The following AMOTL1 variants were observed in gnomAD, a reference collection of about 807,000 sequenced individuals.
AMOTL1 encodes angiomotin like 1.
A neutral mutation model predicts 102.9 loss-of-function variants in AMOTL1; 45 were observed. The observed-to-expected ratio is 0.44, with a 90% confidence interval of 0.34 to 0.56. The LOEUF is 0.56. Ranked by LOEUF, AMOTL1 falls within the 20% of genes least tolerant of loss-of-function variation. The pLI is 0.01. For synonymous variants in AMOTL1, 481 were observed against 484.7 expected (o/e 0.99, Z 0.10); for missense variants, 1,114 against 1,225.6 (o/e 0.91, Z 1.36).
At chr11:94,779,726 A>G (rs1462205398) in intron 1 of AMOTL1, among the ~76,000 whole-genome samples, 1 of 152,202 alleles carries the variant, frequency 6.6e-6, no homozygotes. Flanking sequence ...ACATTGATTT[A>G]GACATTTTTT....
intron 3 of AMOTL1, among the ~76,000 whole-genome samples, chr11:94,762,627 C>T (rs1005710037): frequency 9.2e-5 from 14 of 152,160 alleles, no homozygotes; most frequent in Admixed American, 2.6e-4. Context: ...TGTCATGTAT[C>T]GAATATCTAC....
intron 1 of AMOTL1, among the ~76,000 whole-genome samples, chr11:94,718,592 C>A (rs1389603470): frequency 6.6e-6 from 1 of 151,712 alleles, no homozygotes; most frequent in African/African-American, 2.4e-5. Context: ...TGATATTAAT[C>A]TTTTAAAACA....
intron 1 of AMOTL1, among the ~76,000 whole-genome samples, chr11:94,793,075 T>TAC (rs998582948): frequency 1.3e-4 from 20 of 152,232 alleles, no homozygotes; most frequent in Admixed American, 7.2e-4. Flanking sequence ...CATATATATA[T>TAC]ACACACACAC....
chr11:94,726,922 G>A (rs555160577), intron 1 of AMOTL1, among the ~76,000 whole-genome samples: 2 of 152,274 alleles, frequency 1.3e-5, no homozygotes, highest in South Asian at 4.1e-4. Flanking sequence ...AAGCTGAAGT[G>A]AAATTCAAGC....
At position 94,814,784 on chromosome 11, in the gene AMOTL1, G is replaced by A. The variant is rs142698033; in HGVS notation, c.1122-6746G>A. Among the ~76,000 whole-genome samples, 9 of 152,322 alleles carry A rather than the reference G, an allele frequency of 5.9e-5. No individual in the cohort carries two copies. In the East Asian group the frequency reaches 1.7e-3, roughly 29 times the overall value. On this transcript the variant is annotated intron_variant, in intron 3 of 12. Coordinates refer to ENST00000433060, the MANE Select transcript of AMOTL1 (RefSeq NM_130847.3). The stretch of plus-strand genomic sequence containing the variant: ...ATTAGATTGTGAAATCAGAGAGGAA[G>A]CTTACTAGACATCCTGTATCTCCGT...
Position 94,859,513 on chromosome 11 carries a change from C to T in AMOTL1, c.1945-12C>T, listed in dbSNP as rs1372816743. ...GGTTTTGAGCATCAAGATTTTTTTT[C>T]TACTCCTTCAGAAACATGGAAATGG... is the stretch of plus-strand genomic sequence containing the variant. On this transcript the variant is annotated splice_polypyrimidine_tract_variant and intron_variant, in intron 8 of 12. Transcript: ENST00000433060. 1 of 1,600,260 alleles carries T rather than the reference C, an allele frequency of 6.2e-7. No individual in the cohort carries two copies. The highest frequency in any genetic ancestry group is 1.7e-5 in the Admixed American group (1 of 57,858).
At chr11:94,738,997 A>G (rs1815346724) in intron 2 of AMOTL1, among the ~76,000 whole-genome samples, 1 of 152,204 alleles carries the variant, frequency 6.6e-6, no homozygotes, top group African/African-American at 2.4e-5. Context: ...TAGATGGAGA[A>G]AAATAAGAAT....
rs114869598 is a variant in AMOTL1 at position 94,772,495 on chromosome 11, G to A, written c.49+3935G>A. ...TGTAGTATGTGAGCTTTTGAGATTG[G>A]CTTTTCACTCAGCATAATGCCATGG... On this transcript the variant is annotated intron_variant, in intron 1 of 12. Transcript: ENST00000433060. Among the ~76,000 whole-genome samples, 293 of 152,224 alleles carry A rather than the reference G, an allele frequency of 1.9e-3. 2 individuals carry two copies. The highest frequency in any genetic ancestry group is 6.5e-3 in the African/African-American group (272 of 41,538).
Position 94,721,792 on chromosome 11 carries a change from T to A in AMOTL1, c.-50-7129T>A, listed in dbSNP as rs149204777. On this transcript the variant is annotated intron_variant, in intron 1 of 4. Coordinates refer to the AMOTL1 transcript ENST00000299004. The stretch of plus-strand genomic sequence containing the variant: ...ACTAACACATGTGGCTATTAGAATA[T>A]TTAAAATTATATATGCAGCTCACAT... 1.7e-3 allele frequency among the ~76,000 whole-genome samples: 262 copies of A among 152,246 alleles called. 1 individual carries two copies. Among genetic ancestry groups the A allele is most frequent in the African/African-American group, 6.0e-3 (249 of 41,552 alleles).
At chr11:94,840,786 A>G (rs1418450026) in intron 6 of AMOTL1, among the ~76,000 whole-genome samples, 2 of 151,278 alleles carry the variant, frequency 1.3e-5, no homozygotes. Flanking sequence ...AAGTATATAC[A>G]TGTTATATAC....
Position 94,846,653 on chromosome 11 carries a change from A to G in AMOTL1, c.1649-3461A>G, listed in dbSNP as rs510190. Among the ~76,000 whole-genome samples the G allele has an allele frequency of 9.5e-3, 1,443 of 152,352 alleles. 23 individuals are homozygous for G. The highest frequency in any genetic ancestry group is 0.033 in the African/African-American group (1,352 of 41,592). The stretch of plus-strand genomic sequence containing the variant: ...CTGTGACATAACTTAAATCTGTGCA[A>G]TAGTAAACTGTGTTATAATGGGGCT... On this transcript the variant is annotated intron_variant, in intron 6 of 12. Coordinates refer to ENST00000433060, the MANE Select transcript of AMOTL1 (RefSeq NM_130847.3).
intron 1 of AMOTL1, among the ~76,000 whole-genome samples, chr11:94,781,005 C>T (rs1441424785): frequency 1.3e-5 from 2 of 152,142 alleles, no homozygotes; most frequent in Non-Finnish European, 1.5e-5. Context: ...TCTCTTTCCC[C>T]TTCAGTCATC....
chr11:94,810,351 AAG>A (rs1402633530), intron 3 of AMOTL1, among the ~76,000 whole-genome samples: 1 of 152,180 alleles, frequency 6.6e-6, no homozygotes, highest in African/African-American at 2.4e-5. Flanking sequence ...GGTCTCCAAA[AAG>A]AGAACTAGTA....
rs376729197 is a variant in AMOTL1 at position 94,799,699 on chromosome 11, C to T, written c.509C>T (p.Thr170Met). ...PQGQEHQVDN[T>M]VMEKQVRSTQ... ...GGTCAAGAACACCAGGTGGACAATA[C>T]GGTGATGGAGAAACAGGTCCGGTCC... Residue 170 changes from threonine (T) to methionine (M), a missense_variant, in exon 3 of 13, where the codon ACG becomes ATG. Coordinates refer to ENST00000433060, the MANE Select transcript of AMOTL1 (RefSeq NM_130847.3). The surrounding 1 kb of genome is among the most constrained non-coding windows in gnomAD (Gnocchi z 4.5). The T allele has an allele frequency of 3.6e-5, 58 of 1,613,724 alleles. 1 individual carries two copies. The highest frequency in any genetic ancestry group is 1.9e-4 in the South Asian group (17 of 91,076).
chr11:94,797,232 G>C (rs2135566301), intron 2 of AMOTL1, among the ~76,000 whole-genome samples: 1 of 152,314 alleles, frequency 6.6e-6, no homozygotes, highest in South Asian at 2.1e-4. Context: ...TATAGAGGAG[G>C]ATATTGAGGC....
intron 1 of AMOTL1, among the ~76,000 whole-genome samples, chr11:94,709,916 G>C (rs1949995103): frequency 6.6e-6 from 1 of 152,100 alleles, no homozygotes; most frequent in African/African-American, 2.4e-5. Context: ...GTAGTTCTTT[G>C]TCCTTGCATA....
chr11:94,833,741 C>G (rs187093489), intron 6 of AMOTL1, among the ~76,000 whole-genome samples: 1 of 152,254 alleles, frequency 6.6e-6, no homozygotes, highest in East Asian at 1.9e-4. Context: ...AGTACAGTTT[C>G]TGGGGAGGAG....
chr11:94,781,015 C>T (rs1433433701), intron 1 of AMOTL1, among the ~76,000 whole-genome samples: 13 of 152,194 alleles, frequency 8.5e-5, no homozygotes, highest in Admixed American at 8.5e-4. Flanking sequence ...CTTCAGTCAT[C>T]ATGTCTTAAC....
rs140423341 is a variant in AMOTL1 at position 94,847,902 on chromosome 11, T to A, written c.1649-2212T>A. 5.3e-5 allele frequency among the ~76,000 whole-genome samples: 8 copies of A among 152,300 alleles called. No individual in the cohort carries two copies. The East Asian group carries it at 1.5e-3, about 29-fold the overall frequency. On this transcript the variant is annotated intron_variant, in intron 6 of 12. Transcript: ENST00000433060. ...GGCTTCTATTCTTGAGCTCAGACTA[T>A]CATTTTATTACTTCTGGTCAACATT...
Sources: gnomAD v4.1 joint callset for allele counts (sites outside exome capture counted in the v4.1 genomes callset) on GRCh38, gnomAD v4.1.1 for gene constraint, Gnocchi (gnomAD v3.1) non-coding constraint, MANE v1.5 for transcripts, NCBI Gene and HGNC (gene_info 2026-07-23, HGNC 2026-07-21) for gene names.